CSMD1: variants seen among roughly 807,000 people sequenced by gnomAD.
The protein encoded by CSMD1 is CUB and Sushi multiple domains 1.
In CSMD1, 213 loss-of-function variants were observed where a neutral mutation model predicts 417.5. That is an observed-to-expected ratio of 0.51 (90% CI 0.46 to 0.57). CSMD1 has a LOEUF of 0.57. CSMD1 is among the 20% of genes least tolerant of loss of function. The pLI, the probability that CSMD1 is intolerant of heterozygous loss-of-function variation, is 0.00. For synonymous variants in CSMD1, 2,862 were observed against 1,736.8 expected (o/e 1.65, Z -16.11); for missense variants, 6,923 against 4,529.7 (o/e 1.53, Z -15.17).
intron 4 of CSMD1, among the ~76,000 whole-genome samples, chr8:4,002,807 T>G (rs1815794828): frequency 6.6e-6 from 1 of 152,278 alleles, no homozygotes; most frequent in South Asian, 2.1e-4. Flanking sequence ...AAATATCAAC[T>G]TAAAAATTCC....
chr8:3,666,889 A>C (rs551175782), intron 7 of CSMD1, among the ~76,000 whole-genome samples: 1 of 152,318 alleles, frequency 6.6e-6, no homozygotes, highest in South Asian at 2.1e-4. Flanking sequence ...AGCAGCATGA[A>C]AATGAACTAT....
chr8:3,993,210 T>C (rs995637339), intron 5 of CSMD1, among the ~76,000 whole-genome samples: 2 of 152,202 alleles, frequency 1.3e-5, no homozygotes, highest in African/African-American at 4.8e-5. Flanking sequence ...CTCTCTGTGT[T>C]AGTGCTGCAA....
At chr8:3,789,483 A>G (rs1372708687) in intron 5 of CSMD1, among the ~76,000 whole-genome samples, 1 of 149,856 alleles carries the variant, frequency 6.7e-6, no homozygotes, top group Admixed American at 6.7e-5. Flanking sequence ...CTTTAACAGG[A>G]AAAGGAATAC....
intron 2 of CSMD1, among the ~76,000 whole-genome samples, chr8:4,556,628 C>A (rs1798100740): frequency 6.6e-6 from 1 of 151,934 alleles, no homozygotes; most frequent in African/African-American, 2.4e-5. Context: ...TCATTTTTTC[C>A]CATAAAGTGT....
intron 3 of CSMD1, among the ~76,000 whole-genome samples, chr8:4,156,890 G>C (rs78116312): frequency 0.029 from 4,389 of 152,214 alleles, 218 homozygotes; most frequent in African/African-American, 0.1. Context: ...ACATAAAATG[G>C]AGTGCATTTT....
At chr8:3,661,960 C>T (rs1050520914) in intron 7 of CSMD1, among the ~76,000 whole-genome samples, 3 of 152,056 alleles carry the variant, frequency 2.0e-5, no homozygotes, top group Non-Finnish European at 4.4e-5. Flanking sequence ...AAAATGAGAA[C>T]GGGACACCCA....
At chr8:3,556,630 G>A (rs571909576) in intron 10 of CSMD1, among the ~76,000 whole-genome samples, 1 of 151,660 alleles carries the variant, frequency 6.6e-6, no homozygotes, top group South Asian at 2.1e-4. Flanking sequence ...ACATTGTCGT[G>A]GGGGCTGCCT....
chr8:3,537,535 G>T (rs180934894), intron 10 of CSMD1, among the ~76,000 whole-genome samples: 212 of 152,210 alleles, frequency 1.4e-3, no homozygotes, highest in African/African-American at 4.8e-3. Context: ...CCCCCTAAAA[G>T]AATCCTTCTT....
At chr8:3,797,905 T>C (rs1452838086) in intron 5 of CSMD1, among the ~76,000 whole-genome samples, 1 of 152,052 alleles carries the variant, frequency 6.6e-6, no homozygotes, top group Non-Finnish European at 1.5e-5. Flanking sequence ...TACGCATCCC[T>C]GTCAACATTT....
chr8:4,326,304 G>T (rs931258579), intron 3 of CSMD1, among the ~76,000 whole-genome samples: 1 of 152,094 alleles, frequency 6.6e-6, no homozygotes, highest in Non-Finnish European at 1.5e-5. Context: ...CAAGGACAGC[G>T]GATAAGTCCT....
At chr8:4,467,144 A>G (rs916743239) in intron 2 of CSMD1, among the ~76,000 whole-genome samples, 2 of 151,568 alleles carry the variant, frequency 1.3e-5, no homozygotes. Context: ...AAAAAAAGAA[A>G]AAAAAAGAAA....
At chr8:3,970,607 C>G (rs184127219) in intron 5 of CSMD1, among the ~76,000 whole-genome samples, 174 of 152,236 alleles carry the variant, frequency 1.1e-3, no homozygotes, top group South Asian at 3.3e-3. Context: ...AGCAAAGGAT[C>G]TAGGGAAACT....
At chr8:3,284,559 T>C (rs1803001531) in intron 25 of CSMD1, 2 of 558,612 alleles carry the variant, frequency 3.6e-6, no homozygotes, top group South Asian at 4.0e-5. Context: ...GACCTCAGTC[T>C]GTCATGGACG....
intron 3 of CSMD1, among the ~76,000 whole-genome samples, chr8:4,272,864 A>T (rs941288776): frequency 1.3e-5 from 2 of 152,182 alleles, no homozygotes; most frequent in East Asian, 1.9e-4. Context: ...CACAGATAAA[A>T]CGATAGATAA....
intron 1 of CSMD1, among the ~76,000 whole-genome samples, chr8:4,823,683 TTC>T (rs1799647012): frequency 6.6e-6 from 1 of 152,010 alleles, no homozygotes; most frequent in African/African-American, 2.4e-5. Context: ...AAACAAGTAA[TTC>T]TCTATGGTGA....
chr8:4,824,025 C>A (rs529873347), intron 1 of CSMD1, among the ~76,000 whole-genome samples: 7 of 151,896 alleles, frequency 4.6e-5, no homozygotes, highest in Admixed American at 3.9e-4. Context: ...TACATGCACA[C>A]ACAAACATCC....
Position 4,023,946 on chromosome 8 carries a change from T to C in CSMD1, c.610+7959A>G, listed in dbSNP as rs117911843. Reference sequence around the variant, plus strand: ...CTTTTCAACTTTTACAAGCAGACTTTAGATACATTAAGAGCGACTTCATTA... The same window carrying C: ...CTTTTCAACTTTTACAAGCAGACTTCAGATACATTAAGAGCGACTTCATTA... On this transcript the variant is annotated intron_variant, in intron 4 of 69. Transcript: ENST00000635120. Among the ~76,000 whole-genome samples the C allele has an allele frequency of 3.6e-4, 55 of 151,936 alleles. 1 individual carries two copies. The East Asian group carries it at 8.7e-3, about 24-fold the overall frequency.
intron 5 of CSMD1, among the ~76,000 whole-genome samples, chr8:3,783,075 T>C (rs1357859685): frequency 3.9e-5 from 6 of 151,982 alleles, no homozygotes; most frequent in Admixed American, 2.0e-4. Flanking sequence ...CAAGTCCCCA[T>C]CTCCCCATCC....
chr8:4,530,832 A>G (rs758166983), intron 2 of CSMD1, among the ~76,000 whole-genome samples: 1 of 151,946 alleles, frequency 6.6e-6, no homozygotes, highest in South Asian at 2.1e-4. Flanking sequence ...TACTATAGGC[A>G]GCGCTTTCTT....
Sources: gnomAD v4.1 joint callset for allele counts (sites outside exome capture counted in the v4.1 genomes callset) on GRCh38, gnomAD v4.1.1 for gene constraint, MANE v1.5 for transcripts, NCBI Gene and HGNC (gene_info 2026-07-23, HGNC 2026-07-21) for gene names.